The following CFAP107 variants were observed in gnomAD, a reference collection of about 807,000 sequenced individuals.
The protein encoded by CFAP107 is cilia and flagella associated protein 107, also known as cilia- and flagella-associated protein 107.
At chr1:12,753,312 A>T in the CFAP107 span, 16 of 152,050 alleles carry the variant, frequency 1.1e-4, no homozygotes, top group Non-Finnish European at 1.0e-4. Flanking sequence ...TACAGATTCA[A>T]TGCAATCATT....
chr1:12,747,098 C>A, the CFAP107 span, among the ~76,000 whole-genome samples: 1 of 151,122 alleles, frequency 6.6e-6, no homozygotes, highest in East Asian at 1.9e-4. Flanking sequence ...GACAGAGTCT[C>A]GCTCTGTTGC....
the CFAP107 span, among the ~76,000 whole-genome samples, chr1:12,756,988 T>C: frequency 6.6e-6 from 1 of 152,150 alleles, no homozygotes; most frequent in East Asian, 1.9e-4. Flanking sequence ...CCCAGATGAC[T>C]CCCTCATCCT....
At chr1:12,755,182 G>A in the CFAP107 span, among the ~76,000 whole-genome samples, 1 of 152,162 alleles carries the variant, frequency 6.6e-6, no homozygotes, top group Non-Finnish European at 1.5e-5. Flanking sequence ...CGAGGCACGT[G>A]GATCACAAGG....
chr1:12,759,590 T>A, the CFAP107 span: 5 of 1,360,786 alleles, frequency 3.7e-6, no homozygotes, highest in African/African-American at 7.2e-5. Flanking sequence ...CAGGTGACCC[T>A]GGCTCCAGGA....
chr1:12,758,358 C>A, the CFAP107 span, among the ~76,000 whole-genome samples: 1 of 152,206 alleles, frequency 6.6e-6, no homozygotes, highest in East Asian at 1.9e-4. Flanking sequence ...TCCCATGCCA[C>A]GAGGCTGCTT....
chr1:12,761,274 C>T, the CFAP107 span: 20 of 231,238 alleles, frequency 8.6e-5, no homozygotes, highest in South Asian at 1.3e-4. Context: ...AACTGAGGCC[C>T]GGAGAGGTAA....
At chr1:12,760,640 C>A in the CFAP107 span, 8 of 899,526 alleles carry the variant, frequency 8.9e-6, no homozygotes, top group Non-Finnish European at 1.3e-5. Context: ...CCTCTGCCAG[C>A]CTTGGTCCCT....
the CFAP107 span, chr1:12,753,877 C>T: frequency 1.3e-5 from 2 of 151,374 alleles, no homozygotes; most frequent in African/African-American, 2.4e-5. Flanking sequence ...CCAGCCTAGG[C>T]GACACAGCAA....
chr1:12,754,308 T>TC, the CFAP107 span, among the ~76,000 whole-genome samples: 1 of 152,144 alleles, frequency 6.6e-6, no homozygotes. Flanking sequence ...GAAATCCAAA[T>TC]CAAAATTACA....
the CFAP107 span, among the ~76,000 whole-genome samples, chr1:12,755,345 C>T: frequency 6.6e-6 from 1 of 151,776 alleles, no homozygotes; most frequent in Non-Finnish European, 1.5e-5. Context: ...GCAGAGGTTG[C>T]AGTGAGCCGA....
chr1:12,749,641 A>C, the CFAP107 span, among the ~76,000 whole-genome samples: 1 of 145,420 alleles, frequency 6.9e-6, no homozygotes, highest in Non-Finnish European at 1.5e-5. Flanking sequence ...AAACAAAAAC[A>C]GATTATTAGG....
the CFAP107 span, among the ~76,000 whole-genome samples, chr1:12,751,201 C>G: frequency 6.6e-6 from 1 of 151,862 alleles, no homozygotes; most frequent in African/African-American, 2.4e-5. Flanking sequence ...AATTAGAAAC[C>G]TAGCTTTACA....
the CFAP107 span, among the ~76,000 whole-genome samples, chr1:12,751,305 A>G: frequency 7.2e-5 from 11 of 152,294 alleles, 1 homozygote; most frequent in African/African-American, 2.6e-4. Context: ...TAAAATAGGA[A>G]ATAGGAAAAC....
the CFAP107 span, chr1:12,761,133 T>C: frequency 1.8e-6 from 1 of 566,366 alleles, no homozygotes; most frequent in Non-Finnish European, 3.1e-6. Context: ...ACAGGTTCCT[T>C]TCTTTTCCAT....
At chr1:12,748,129 C>T in the CFAP107 span, among the ~76,000 whole-genome samples, 24 of 152,196 alleles carry the variant, frequency 1.6e-4, no homozygotes, top group Non-Finnish European at 2.5e-4. Context: ...AGTGGCAGCT[C>T]GGCTCCAAGT....
chr1:12,747,098 C>T, the CFAP107 span, among the ~76,000 whole-genome samples: 13 of 151,238 alleles, frequency 8.6e-5, no homozygotes, highest in African/African-American at 1.9e-4. Flanking sequence ...GACAGAGTCT[C>T]GCTCTGTTGC....
the CFAP107 span, among the ~76,000 whole-genome samples, chr1:12,752,342 T>C: frequency 2.6e-5 from 4 of 151,034 alleles, no homozygotes; most frequent in East Asian, 7.7e-4. Context: ...CCCAGCACTT[T>C]GGGAAGCCAA....
At chr1:12,759,337 C>T in the CFAP107 span, 11 of 1,614,112 alleles carry the variant, frequency 6.8e-6, no homozygotes, top group South Asian at 1.1e-4. Context: ...CCTGATCACC[C>T]ACCACCAGGA....
the CFAP107 span, chr1:12,759,189 C>A: frequency 6.1e-6 from 7 of 1,146,332 alleles, no homozygotes; most frequent in Non-Finnish European, 8.8e-6. Flanking sequence ...TGCCAGCCCA[C>A]GGATGCCCGC....
Sources: gnomAD v4.1 joint callset for allele counts (sites outside exome capture counted in the v4.1 genomes callset) on GRCh38, gnomAD v4.1.1 for gene constraint, MANE v1.5 for transcripts, NCBI Gene and HGNC (gene_info 2026-07-23, HGNC 2026-07-21) for gene names.